Variants in CCNT2 observed in about 807,000 individuals in gnomAD.
CCNT2 encodes the protein cyclin T2.
A neutral mutation model predicts 70.0 loss-of-function variants in CCNT2; 18 were observed. The observed-to-expected ratio is 0.26, with a 90% CI of 0.18 to 0.38. The LOEUF (loss-of-function observed/expected upper bound fraction) is 0.38. Ranked by LOEUF, CCNT2 falls within the 10% of genes least tolerant of loss-of-function variation. CCNT2 has a pLI of 1.00. For missense variants in CCNT2, 734 were observed against 890.2 expected (o/e 0.82, Z 2.23); for synonymous variants, 334 against 313.3 (o/e 1.07, Z -0.70).
rs1681705563 is a variant in CCNT2 at position 134,943,316 on chromosome 2, G to T, written c.493+642G>T. On this transcript the variant is annotated intron_variant, in intron 5 of 8. Transcript: ENST00000264157. ...TTCAGGAGGCCAAGGTGGGAGGATG[G>T]CTTGAGCCCAGTAGTTGGAGGTTGC... 6.0e-6 allele frequency: 3 copies of T among 498,972 alleles called. No individual in the cohort carries two copies. In the South Asian group the frequency reaches 2.6e-4, roughly 43 times the overall value. The allele number at this position is 498,972 out of a possible 1,614,324, so 30.9% of individuals were successfully genotyped here.
At chr2:134,919,219 G>A (rs890705997) in intron 1 of CCNT2, among the ~76,000 whole-genome samples, 1 of 152,188 alleles carries the variant, frequency 6.6e-6, no homozygotes, top group South Asian at 2.1e-4. Flanking sequence ...CGGGCCAGGA[G>A]CCTGCGTTGT....
intron 5 of CCNT2, chr2:134,943,391 G>T: frequency 1.0e-6 from 1 of 965,712 alleles, no homozygotes. Context: ...GCAAGAGTGA[G>T]ACCCTATCTC....
intron 7 of CCNT2, among the ~76,000 whole-genome samples, chr2:134,949,830 G>C (rs958906487): frequency 6.7e-6 from 1 of 148,340 alleles, no homozygotes; most frequent in Non-Finnish European, 1.5e-5. Context: ...CAGAGTCTCA[G>C]TCGCCCAGGC....
At chr2:134,942,298 C>T (rs886157648) in intron 4 of CCNT2, among the ~76,000 whole-genome samples, 1 of 151,928 alleles carries the variant, frequency 6.6e-6, no homozygotes, top group South Asian at 2.1e-4. Context: ...TGAATTCCGT[C>T]CTTAAATTGT....
intron 5 of CCNT2, chr2:134,943,281 G>A: frequency 1.9e-5 from 7 of 367,026 alleles, no homozygotes; most frequent in Non-Finnish European, 2.6e-5. Context: ...CACGCATGTA[G>A]TCTCAACTAT....
At chr2:134,941,431 G>GT (rs1467786592) in intron 4 of CCNT2, among the ~76,000 whole-genome samples, 7 of 152,280 alleles carry the variant, frequency 4.6e-5, no homozygotes, top group African/African-American at 1.7e-4. Flanking sequence ...AACTGTTTAT[G>GT]TTACCAGTAA....
intron 4 of CCNT2, among the ~76,000 whole-genome samples, chr2:134,940,702 A>G (rs577208686): frequency 2.9e-4 from 44 of 152,346 alleles, no homozygotes; most frequent in African/African-American, 1.1e-3. Flanking sequence ...AGTAAATTAC[A>G]TATTGCGGTA....
intron 7 of CCNT2, 59 bp from the exon 8 acceptor site, chr2:134,952,582 A>C (rs1682601853): frequency 9.8e-7 from 1 of 1,020,274 alleles, no homozygotes; most frequent in South Asian, 1.5e-5. Context: ...CTGCCCACTT[A>C]AGAGAAATTT....
chr2:134,956,143 T>G lies in CCNT2; in HGVS notation c.*1495T>G, dbSNP rs755707531. 1 of 152,672 alleles carries G rather than the reference T, an allele frequency of 6.5e-6. No homozygotes were observed. The highest frequency in any genetic ancestry group is 1.5e-5 in the Non-Finnish European group (1 of 68,032). The allele number at this position is 152,672 out of a possible 1,614,324, so 9.5% of individuals were successfully genotyped here. The stretch of plus-strand genomic sequence containing the variant: ...AGATTGATTGGATTCGACCTCTTGT[T>G]GAACTGAAAACTTAATTTTTTCTCT... On this transcript the variant is annotated 3_prime_UTR_variant, in exon 9 of 9. Coordinates refer to ENST00000264157, the MANE Select transcript of CCNT2 (RefSeq NM_058241.3).
At chr2:134,946,168 G>A (rs746579444) in intron 6 of CCNT2, 22 bp downstream of exon 6, 3 of 1,600,372 alleles carry the variant, frequency 1.9e-6, no homozygotes, top group Non-Finnish European at 2.6e-6. Flanking sequence ...GACCCTCTTT[G>A]TTGCACTGTT....
intron 2 of CCNT2, among the ~76,000 whole-genome samples, chr2:134,929,228 A>G (rs1022099402): frequency 1.3e-5 from 2 of 152,190 alleles, no homozygotes; most frequent in African/African-American, 2.4e-5. Context: ...GTTAAGATGC[A>G]TATTGTTTAT....
chr2:134,927,403 C>T (rs529456917), intron 2 of CCNT2, among the ~76,000 whole-genome samples: 1 of 152,258 alleles, frequency 6.6e-6, no homozygotes, highest in East Asian at 1.9e-4. Flanking sequence ...TTATATGCTT[C>T]TCTGTGGTCC....
At chr2:134,934,378 C>G (rs1347754095) in intron 2 of CCNT2, among the ~76,000 whole-genome samples, 3 of 152,230 alleles carry the variant, frequency 2.0e-5, no homozygotes, top group African/African-American at 7.2e-5. Flanking sequence ...TTGAACCAAG[C>G]TTGCATGTGC....
At chr2:134,928,429 C>G (rs1457121964) in intron 2 of CCNT2, among the ~76,000 whole-genome samples, 4 of 151,946 alleles carry the variant, frequency 2.6e-5, no homozygotes, top group Admixed American at 2.6e-4. Flanking sequence ...CAGGCATGCA[C>G]CAACACTCCC....
At chr2:134,949,532 CT>C (rs1192831159) in intron 7 of CCNT2, among the ~76,000 whole-genome samples, 1 of 152,098 alleles carries the variant, frequency 6.6e-6, no homozygotes, top group Non-Finnish European at 1.5e-5. Context: ...TTGTTTCATC[CT>C]TTTCTATTTT....
At chr2:134,941,753 A>G (rs1013340192) in intron 4 of CCNT2, among the ~76,000 whole-genome samples, 5 of 152,234 alleles carry the variant, frequency 3.3e-5, no homozygotes, top group African/African-American at 9.6e-5. Context: ...GTAATGTAAT[A>G]TCCATATTGT....
chr2:134,936,762 A>C (rs1681184115), intron 2 of CCNT2, 79 bp from the exon 3 acceptor site: 3 of 1,384,396 alleles, frequency 2.2e-6, no homozygotes, highest in African/African-American at 1.5e-5. Flanking sequence ...CTCAAAAAAA[A>C]AACAGAAAAG....
Position 134,953,966 on chromosome 2 carries a change from C to T in CCNT2, c.1511C>T (p.Ser504Leu), listed in dbSNP as rs1682733122. The T allele has an allele frequency of 1.9e-6, 3 of 1,613,984 alleles. No homozygotes were observed. The highest frequency in any genetic ancestry group is 2.2e-5 in the South Asian group (2 of 91,060). The change falls in exon 9 of 9, where the codon TCA (serine) becomes TTA (leucine). Residue 504 changes from serine to leucine, a missense_variant. Around this residue, in one of 3 missense-constraint regions of CCNT2, gnomAD observed 532 missense variants for 556.9 expected, o/e 0.96. Coordinates refer to ENST00000264157, the MANE Select transcript of CCNT2 (RefSeq NM_058241.3). ...GCAGACAAAAAGGAAAAGAGTGGGTCACTGAAATTACGGATTCCAATACCA... is the reference window on the plus strand; with the variant it reads ...GCAGACAAAAAGGAAAAGAGTGGGTTACTGAAATTACGGATTCCAATACCA... Reference protein sequence around the residue: ...YMADKKEKSGSLKLRIPIPPT... With the variant: ...YMADKKEKSGLLKLRIPIPPT...
intron 5 of CCNT2, chr2:134,944,638 G>A (rs1172038868): frequency 1.0e-6 from 1 of 982,254 alleles, no homozygotes. Context: ...AAATGTGACT[G>A]ATTCTTTGAG....
Sources: gnomAD v4.1 joint callset for allele counts (sites outside exome capture counted in the v4.1 genomes callset) on GRCh38, gnomAD v4.1.1 for gene constraint, gnomAD v4.1.1 regional missense constraint, MANE v1.5 for transcripts, NCBI Gene and HGNC (gene_info 2026-07-23, HGNC 2026-07-21) for gene names.